RETREG1: variants seen among roughly 807,000 people sequenced by gnomAD.
RETREG1 encodes the protein family with sequence similarity 134 member B.
A neutral mutation model predicts 54.8 loss-of-function variants in RETREG1; 44 were observed. The observed-to-expected ratio is 0.80, with a 90% CI of 0.63 to 1.03. The LOEUF is 1.03. Ranked by LOEUF, RETREG1 falls within the 50% of genes least tolerant of loss-of-function variation. The probability of loss-of-function intolerance (pLI) is 0.00; values close to 1 mark genes in which losing one functional copy is unlikely to be tolerated. For missense variants in RETREG1, 554 were observed against 605.1 expected, an observed-to-expected ratio of 0.92 and a Z score of 0.89; for synonymous variants, 217 against 238.5, an observed-to-expected ratio of 0.91 and a Z score of 0.83.
At chr5:16,588,079 C>G (rs1451987545) in intron 1 of RETREG1, among the ~76,000 whole-genome samples, 2 of 152,212 alleles carry the variant, frequency 1.3e-5, no homozygotes, top group Non-Finnish European at 2.9e-5. Context: ...ACTTCCAGAG[C>G]TGGGACTGAG....
chr5:16,538,510 C>T (rs934229924), intron 3 of RETREG1, among the ~76,000 whole-genome samples: 1 of 152,170 alleles, frequency 6.6e-6, no homozygotes, highest in Admixed American at 6.5e-5. Flanking sequence ...CAAAGCTCTG[C>T]ACGATACTTC....
intron 1 of RETREG1, among the ~76,000 whole-genome samples, chr5:16,608,799 A>G (rs1001287318): frequency 6.6e-6 from 1 of 152,210 alleles, no homozygotes; most frequent in African/African-American, 2.4e-5. Flanking sequence ...GACAGTCTAA[A>G]AAGATCCTTC....
chr5:16,614,205 C>T (rs891941847), intron 1 of RETREG1, among the ~76,000 whole-genome samples: 4 of 151,550 alleles, frequency 2.6e-5, no homozygotes, highest in African/African-American at 7.3e-5. Context: ...TTATTTTATG[C>T]AAAAACATTA....
chr5:16,574,821 T>C (rs1016415125), intron 1 of RETREG1, among the ~76,000 whole-genome samples: 5 of 152,208 alleles, frequency 3.3e-5, no homozygotes, highest in Admixed American at 6.5e-5. Flanking sequence ...ATTAGGAGCA[T>C]AGAAAGATGG....
intron 1 of RETREG1, among the ~76,000 whole-genome samples, chr5:16,599,592 C>T (rs1742994355): frequency 1.3e-5 from 2 of 152,048 alleles, no homozygotes; most frequent in South Asian, 4.2e-4. Context: ...AAAGTTTTAC[C>T]CATTCAATTA....
At chr5:16,608,007 G>A (rs951352574) in intron 1 of RETREG1, among the ~76,000 whole-genome samples, 6 of 152,084 alleles carry the variant, frequency 3.9e-5, no homozygotes, top group Non-Finnish European at 7.4e-5. Context: ...AGCCTCCCAA[G>A]TAACTGGGAT....
At chr5:16,490,975 C>T (rs73753072) in intron 3 of RETREG1, among the ~76,000 whole-genome samples, 17 of 152,308 alleles carry the variant, frequency 1.1e-4, no homozygotes, top group African/African-American at 3.8e-4. Context: ...TGAACCCCTC[C>T]AGCTGTTCCT....
intron 3 of RETREG1, among the ~76,000 whole-genome samples, chr5:16,548,753 T>C (rs1741454359): frequency 6.6e-6 from 1 of 152,286 alleles, no homozygotes; most frequent in Non-Finnish European, 1.5e-5. Context: ...CCTTACTATT[T>C]TGTCTGGATT....
chr5:16,563,640 C>T (rs1046534830), intron 3 of RETREG1, among the ~76,000 whole-genome samples: 6 of 152,068 alleles, frequency 3.9e-5, no homozygotes, highest in African/African-American at 1.4e-4. Flanking sequence ...TATCCTTTAT[C>T]ATATTATTAA....
At chr5:16,521,748 G>A (rs1033710818) in intron 3 of RETREG1, among the ~76,000 whole-genome samples, 3 of 152,194 alleles carry the variant, frequency 2.0e-5, no homozygotes, top group Admixed American at 6.5e-5. Context: ...TCTGTTACAC[G>A]TCGATCTTCC....
intron 3 of RETREG1, among the ~76,000 whole-genome samples, chr5:16,484,226 T>TA (rs1220417948): frequency 6.6e-6 from 1 of 152,070 alleles, no homozygotes; most frequent in African/African-American, 2.4e-5. Flanking sequence ...CTCAGTGAGC[T>TA]AAAAACTAGA....
At position 16,616,784 on chromosome 5, in the gene RETREG1, C is replaced by T. The variant is rs1056863965; in HGVS notation, c.188G>A (p.Arg63Gln). 6 of 1,529,688 alleles carry T rather than the reference C, an allele frequency of 3.9e-6. No homozygotes were observed. In the African/African-American group the frequency reaches 8.4e-5, roughly 21 times the overall value. 94.8% of individuals were successfully genotyped at this position (1,529,688 alleles called of 1,614,324 possible). The part of the protein sequence containing the change: ...AGLQVEEAAG[R>Q]AAAAVTWLLG... ...CAGCCAGGTTACCGCGGCCGCCGCCCGGCCCGCGGCCTCCTCCACCTGCAA... is the reference window on the plus strand; with the variant it reads ...CAGCCAGGTTACCGCGGCCGCCGCCTGGCCCGCGGCCTCCTCCACCTGCAA... The change falls in exon 1 of 9, where the codon CGG (arginine) becomes CAG (glutamine). Residue 63 changes from arginine to glutamine, a missense_variant. Around this residue, in one of 4 missense-constraint regions of RETREG1, gnomAD observed 175 missense variants for 142.1 expected, o/e 1.23. Transcript: ENST00000306320.
rs73045923 is a variant in RETREG1, at chr5:16,536,273, G to A, written c.458+29490C>T. Among the ~76,000 whole-genome samples the A allele has an allele frequency of 2.4e-3, 358 of 152,266 alleles. 2 individuals carry two copies. The highest frequency in any genetic ancestry group is 8.3e-3 in the African/African-American group (345 of 41,556). On this transcript the variant is annotated intron_variant, in intron 3 of 8. Transcript: ENST00000306320. ...AGGCCAGCTTTTACAAAGAAAGAAC[G>A]CTGCCTCTTCCTAGAGGTGGCCTTG...
intron 1 of RETREG1, among the ~76,000 whole-genome samples, chr5:16,573,678 A>G (rs1339173131): frequency 6.9e-6 from 1 of 145,148 alleles, no homozygotes; most frequent in African/African-American, 2.5e-5. Context: ...GGGAGGATGG[A>G]TTCGCTCCAA....
chr5:16,552,680 A>C (rs958337854), intron 3 of RETREG1, among the ~76,000 whole-genome samples: 9 of 152,064 alleles, frequency 5.9e-5, no homozygotes, highest in African/African-American at 1.7e-4. Flanking sequence ...AGTCCCTGTT[A>C]ATTTTTTTCA....
chr5:16,562,326 A>AAAAG (rs1741879062), intron 3 of RETREG1, among the ~76,000 whole-genome samples: 2 of 152,140 alleles, frequency 1.3e-5, no homozygotes, highest in Admixed American at 6.5e-5. Context: ...AAAAAAAAGA[A>AAAAG]AAAGAAAGAA....
At chr5:16,509,622 T>C (rs900460931) in intron 3 of RETREG1, among the ~76,000 whole-genome samples, 1 of 149,302 alleles carries the variant, frequency 6.7e-6, no homozygotes, top group Non-Finnish European at 1.5e-5. Flanking sequence ...GGACAAAAAG[T>C]TGAAGCCATT....
chr5:16,476,392 G>A (rs1220400076), intron 8 of RETREG1, among the ~76,000 whole-genome samples: 1 of 152,136 alleles, frequency 6.6e-6, no homozygotes, highest in Non-Finnish European at 1.5e-5. Context: ...AGGTAATCCA[G>A]TGAGACTAAC....
At chr5:16,592,081 G>T (rs1286870235) in intron 1 of RETREG1, among the ~76,000 whole-genome samples, 2 of 152,060 alleles carry the variant, frequency 1.3e-5, no homozygotes, top group African/African-American at 4.8e-5. Context: ...GAATACAGAG[G>T]TAAAATAATA....
Sources: gnomAD v4.1 joint callset for allele counts (sites outside exome capture counted in the v4.1 genomes callset) on GRCh38, gnomAD v4.1.1 for gene constraint, gnomAD v4.1.1 regional missense constraint, MANE v1.5 for transcripts, NCBI Gene and HGNC (gene_info 2026-07-23, HGNC 2026-07-21) for gene names.